Variants in FSTL5 observed in about 807,000 individuals in gnomAD.
FSTL5 encodes the protein follistatin-related protein 5.
FSTL5 carries 62 observed loss-of-function variants against 89.1 expected under a neutral mutation model. The observed-to-expected ratio is 0.70, with a 90% CI of 0.57 to 0.86. The LOEUF (loss-of-function observed/expected upper bound fraction) is 0.86, where lower values mean the gene tolerates loss of function less well. Ranked by LOEUF, FSTL5 falls within the 40% of genes least tolerant of loss-of-function variation. FSTL5 has a pLI of 0.00. For missense variants in FSTL5, 1,057 were observed against 1,001.6 expected (o/e 1.06, Z -0.75); for synonymous variants, 383 against 346.2 (o/e 1.11, Z -1.18).
rs377479129 is a variant in FSTL5 at position 162,158,794 on chromosome 4, A to G, written c.-17+4821T>C. ...ATGGCCTGATATCAATAAAATATAT[A>G]TGAATACCTATTAATATTTTGAATG... is the stretch of plus-strand genomic sequence containing the variant. On this transcript the variant is annotated intron_variant, in intron 1 of 15. Coordinates refer to ENST00000306100, the MANE Select transcript of FSTL5 (RefSeq NM_020116.5). Among the ~76,000 whole-genome samples, 171 of 152,224 alleles carry G rather than the reference A, an allele frequency of 1.1e-3. 2 individuals carry two copies. The highest frequency in any genetic ancestry group is 3.8e-3 in the Admixed American group (58 of 15,278).
intron 4 of FSTL5, among the ~76,000 whole-genome samples, chr4:161,883,957 T>C (rs1201757130): frequency 6.6e-6 from 1 of 152,240 alleles, no homozygotes; most frequent in East Asian, 1.9e-4. Flanking sequence ...TATTTGAGAA[T>C]GTATTCAGTT....
chr4:161,390,177 G>A (rs989855710), intron 15 of FSTL5, among the ~76,000 whole-genome samples: 2 of 152,070 alleles, frequency 1.3e-5, no homozygotes, highest in Non-Finnish European at 2.9e-5. Context: ...TGAGAACATG[G>A]AGCAGTAGGC....
chr4:161,450,321 C>T (rs544979645), intron 15 of FSTL5, among the ~76,000 whole-genome samples: 1 of 152,260 alleles, frequency 6.6e-6, no homozygotes, highest in South Asian at 2.1e-4. Context: ...GCAATGTTCA[C>T]ACATAAGAAA....
intron 2 of FSTL5, among the ~76,000 whole-genome samples, chr4:162,080,594 A>ATAC (rs1730054835): frequency 2.6e-5 from 4 of 151,642 alleles, no homozygotes; most frequent in Non-Finnish European, 4.4e-5. Context: ...TTTTCCTTAA[A>ATAC]GTTAGTTATA....
At chr4:162,144,590 C>T (rs1359214069) in intron 1 of FSTL5, among the ~76,000 whole-genome samples, 1 of 152,162 alleles carries the variant, frequency 6.6e-6, no homozygotes, top group East Asian at 1.9e-4. Flanking sequence ...ACACCAAATA[C>T]AAAGCAGTGC....
At chr4:161,571,965 C>T (rs28541782) in intron 8 of FSTL5, among the ~76,000 whole-genome samples, 58 of 152,204 alleles carry the variant, frequency 3.8e-4, no homozygotes, top group South Asian at 1.5e-3. Context: ...ACACAATAAA[C>T]GTATTTCCTC....
At chr4:161,696,894 A>G (rs1738189090) in intron 6 of FSTL5, among the ~76,000 whole-genome samples, 1 of 152,204 alleles carries the variant, frequency 6.6e-6, no homozygotes, top group Non-Finnish European at 1.5e-5. Flanking sequence ...CTCATCAGCA[A>G]ACAACAACTG....
At chr4:161,967,951 T>G (rs977610874) in intron 3 of FSTL5, among the ~76,000 whole-genome samples, 1 of 152,066 alleles carries the variant, frequency 6.6e-6, no homozygotes, top group African/African-American at 2.4e-5. Context: ...CCCAGGAGTT[T>G]GCCTTTAACA....
At chr4:161,447,062 CTT>C (rs1732969258) in intron 15 of FSTL5, among the ~76,000 whole-genome samples, 1 of 151,958 alleles carries the variant, frequency 6.6e-6, no homozygotes, top group Non-Finnish European at 1.5e-5. Flanking sequence ...TTACTGAACA[CTT>C]TGATGAGTTA....
intron 10 of FSTL5, among the ~76,000 whole-genome samples, chr4:161,537,122 G>C (rs1378549630): frequency 6.6e-6 from 1 of 152,086 alleles, no homozygotes; most frequent in African/African-American, 2.4e-5. Context: ...ACCTGGGTAA[G>C]GTCCTTCTTT....
chr4:161,417,043 T>C (rs1731812527), intron 15 of FSTL5, among the ~76,000 whole-genome samples: 1 of 152,158 alleles, frequency 6.6e-6, no homozygotes, highest in Non-Finnish European at 1.5e-5. Context: ...TTTAGAAGAC[T>C]GGTGATATTT....
chr4:161,540,032 C>T (rs1731765034), intron 9 of FSTL5, among the ~76,000 whole-genome samples: 1 of 151,644 alleles, frequency 6.6e-6, no homozygotes, highest in South Asian at 2.1e-4. Context: ...TTCTCCTAAC[C>T]TATATGTCCC....
chr4:161,496,404 A>G (rs1209229194), intron 12 of FSTL5, among the ~76,000 whole-genome samples: 1 of 152,152 alleles, frequency 6.6e-6, no homozygotes, highest in African/African-American at 2.4e-5. Flanking sequence ...TAGCATTTAT[A>G]ATTAGTTGAC....
intron 4 of FSTL5, among the ~76,000 whole-genome samples, chr4:161,901,655 C>G (rs1014258985): frequency 6.6e-6 from 1 of 152,028 alleles, no homozygotes; most frequent in Non-Finnish European, 1.5e-5. Flanking sequence ...GGGTTTAGGC[C>G]GGGCATGGTG....
chr4:161,913,173 T>C (rs1046726204), intron 4 of FSTL5, among the ~76,000 whole-genome samples: 4 of 152,112 alleles, frequency 2.6e-5, no homozygotes, highest in Non-Finnish European at 5.9e-5. Context: ...TGAGGAGAAA[T>C]TCAAAGCGGC....
At chr4:162,149,863 T>C (rs571319414) in intron 1 of FSTL5, among the ~76,000 whole-genome samples, 1 of 152,244 alleles carries the variant, frequency 6.6e-6, no homozygotes, top group African/African-American at 2.4e-5. Context: ...CATCTGTTAC[T>C]AAGAAAAAAC....
intron 4 of FSTL5, among the ~76,000 whole-genome samples, chr4:161,901,506 A>C (rs1055154160): frequency 6.6e-6 from 1 of 152,204 alleles, no homozygotes; most frequent in African/African-American, 2.4e-5. Context: ...TGATTAACAA[A>C]ATGAATTTCG....
chr4:161,989,136 A>C (rs747455297), intron 3 of FSTL5, among the ~76,000 whole-genome samples: 6 of 152,186 alleles, frequency 3.9e-5, no homozygotes, highest in Non-Finnish European at 8.8e-5. Flanking sequence ...GGAAAAGGGC[A>C]GTCTCTGCCA....
At position 161,649,196 on chromosome 4, in the gene FSTL5, A is replaced by G. The variant is rs188614529; in HGVS notation, c.894+7132T>C. ...ACCCTGAAAACCTATATAATGAGAA[A>G]GATAATTCAAGATCTTGTAATTTAC... is the stretch of plus-strand genomic sequence containing the variant. On this transcript the variant is annotated intron_variant, in intron 7 of 15. Transcript: ENST00000306100. 8.8e-3 allele frequency among the ~76,000 whole-genome samples: 1,343 copies of G among 152,318 alleles called. 5 individuals are homozygous for G. Among genetic ancestry groups the G allele is most frequent in the South Asian group, 0.036 (176 of 4,830 alleles).
Sources: allele counts gnomAD v4.1 joint callset (sites outside exome capture counted in the v4.1 genomes callset), GRCh38; gene constraint gnomAD v4.1.1; transcripts MANE v1.5; gene names NCBI Gene and HGNC (gene_info 2026-07-23, HGNC 2026-07-21).